Variants in CPEB3 observed in about 807,000 individuals in gnomAD.
The protein encoded by CPEB3 is cytoplasmic polyadenylation element-binding protein 3.
A neutral mutation model predicts 67.2 loss-of-function variants in CPEB3; 20 were observed. That is an observed-to-expected ratio of 0.30 (90% CI 0.21 to 0.43). The LOEUF (loss-of-function observed/expected upper bound fraction) is 0.43. CPEB3 is among the 20% of genes least tolerant of loss of function. CPEB3 has a pLI of 1.00. For missense variants in CPEB3, 746 were observed against 968.6 expected, an observed-to-expected ratio of 0.77 and a Z score of 3.05; for synonymous variants, 376 against 393.1, an observed-to-expected ratio of 0.96 and a Z score of 0.51.
In CPEB3 at chr10:92,047,256, T is replaced by C. The variant is rs1207490720; in HGVS notation, c.*4956A>G. ...CAGCTGAGATAGAGAAGTTTGGTTA[T>C]TATAAAAGAAAAAAAAAAACAAATG... is the stretch of plus-strand genomic sequence containing the variant. On this transcript the variant is annotated 3_prime_UTR_variant, in exon 10 of 10. Coordinates refer to ENST00000265997, the MANE Select transcript of CPEB3 (RefSeq NM_014912.5). The C allele has an allele frequency of 7.2e-6, 1 of 138,556 alleles. No individual in the cohort carries two copies. Among genetic ancestry groups the C allele is most frequent in the Non-Finnish European group, 1.6e-5 (1 of 61,876 alleles). 8.6% of individuals were successfully genotyped at this position (138,556 alleles called of 1,614,324 possible).
At chr10:92,129,699 A>G (rs899700657) in intron 6 of CPEB3, among the ~76,000 whole-genome samples, 1 of 152,080 alleles carries the variant, frequency 6.6e-6, no homozygotes, top group African/African-American at 2.4e-5. Context: ...AGACTAGATC[A>G]ATTTAGGAGA....
At chr10:92,117,186 GCAAATTTTTGTATTTTTAGTAGAGA>G (rs1845076819) in intron 6 of CPEB3, among the ~76,000 whole-genome samples, 1 of 151,460 alleles carries the variant, frequency 6.6e-6, no homozygotes, top group Non-Finnish European at 1.5e-5. Context: ...ACCATACCTG[GCAAATTTTTGTATTTTTAGTAGAGA>G]CGGGGTTTCA....
intron 9 of CPEB3, among the ~76,000 whole-genome samples, chr10:92,067,630 C>T (rs974400447): frequency 1.3e-5 from 2 of 152,046 alleles, no homozygotes; most frequent in African/African-American, 4.8e-5. Context: ...ACCAGCCTGA[C>T]CAACACGGAG....
At chr10:92,067,085 TA>T (rs1404638964) in intron 9 of CPEB3, among the ~76,000 whole-genome samples, 1 of 150,744 alleles carries the variant, frequency 6.6e-6, no homozygotes, top group Non-Finnish European at 1.5e-5. Context: ...TAAATAAATT[TA>T]TTTTTTTATA....
intron 2 of CPEB3, 147 bp from the exon 3 acceptor site, chr10:92,192,783 T>A (rs1590350030): frequency 3.5e-6 from 2 of 568,816 alleles, no homozygotes; most frequent in African/African-American, 1.9e-5. Context: ...TATTTGTTTA[T>A]TTATTTATTT....
chr10:92,280,651 A>G (rs1444207303), intron 1 of CPEB3, among the ~76,000 whole-genome samples: 2 of 126,612 alleles, frequency 1.6e-5, no homozygotes, highest in Admixed American at 8.0e-5. Flanking sequence ...GTGGGCCGAG[A>G]GTGAAAAAAA....
At chr10:92,208,494 C>A (rs916256898) in intron 2 of CPEB3, among the ~76,000 whole-genome samples, 8 of 152,058 alleles carry the variant, frequency 5.3e-5, no homozygotes, top group Non-Finnish European at 1.0e-4. Context: ...AGCCCTATAG[C>A]CTGTGTGTCC....
intron 2 of CPEB3, among the ~76,000 whole-genome samples, chr10:92,194,553 C>G (rs773748850): frequency 1.3e-5 from 2 of 152,030 alleles, no homozygotes; most frequent in Non-Finnish European, 2.9e-5. Context: ...AGCACTGACA[C>G]GAAGAAACCT....
At chr10:92,081,604 A>T (rs1027118961) in intron 8 of CPEB3, 103 bp from the exon 9 acceptor site, 4 of 1,025,772 alleles carry the variant, frequency 3.9e-6, no homozygotes, top group Non-Finnish European at 4.2e-6. Context: ...TAATTAAGAA[A>T]AGGAAAACCC....
intron 1 of CPEB3, among the ~76,000 whole-genome samples, chr10:92,259,390 T>G (rs549650035): frequency 2.0e-5 from 3 of 151,680 alleles, no homozygotes; most frequent in Non-Finnish European, 4.4e-5. Context: ...TCACCTGAGG[T>G]CAGGAGTTCG....
At chr10:92,229,778 C>T (rs1851175762) in intron 2 of CPEB3, among the ~76,000 whole-genome samples, 1 of 152,252 alleles carries the variant, frequency 6.6e-6, no homozygotes, top group African/African-American at 2.4e-5. Context: ...GGCGCAGTGG[C>T]TTACGCCTAT....
At chr10:92,267,521 A>C (rs1233454518) in intron 1 of CPEB3, among the ~76,000 whole-genome samples, 1 of 152,180 alleles carries the variant, frequency 6.6e-6, no homozygotes, top group Non-Finnish European at 1.5e-5. Context: ...TGTGATGGGA[A>C]TCCCCTGGAG....
intron 4 of CPEB3, among the ~76,000 whole-genome samples, chr10:92,158,718 T>C (rs1327217127): frequency 6.6e-6 from 1 of 152,170 alleles, no homozygotes; most frequent in African/African-American, 2.4e-5. Flanking sequence ...ACTGCAAAAG[T>C]AAAATGAGAC....
intron 6 of CPEB3, among the ~76,000 whole-genome samples, chr10:92,122,122 C>G (rs1026350597): frequency 6.6e-6 from 1 of 152,124 alleles, no homozygotes; most frequent in Non-Finnish European, 1.5e-5. Context: ...CTGTCAATAA[C>G]TAATAAGCAA....
rs561420944 is a variant in CPEB3, at chr10:92,049,283, G to A, written c.*2929C>T. The A allele has an allele frequency of 3.3e-5, 5 of 152,298 alleles. No individual in the cohort carries two copies. Among genetic ancestry groups the A allele is most frequent in the Non-Finnish European group, 5.9e-5 (4 of 67,994 alleles). 9.4% of individuals were successfully genotyped at this position (152,298 alleles called of 1,614,324 possible). On this transcript the variant is annotated 3_prime_UTR_variant, in exon 10 of 10. Coordinates refer to ENST00000265997, the MANE Select transcript of CPEB3 (RefSeq NM_014912.5). Reference sequence around the variant, plus strand: ...TTGCACATAACAACAAATAGTCGAGGTTAGGTTATAGCCTTCAAAAAATCG... The same window carrying A: ...TTGCACATAACAACAAATAGTCGAGATTAGGTTATAGCCTTCAAAAAATCG...
intron 1 of CPEB3, among the ~76,000 whole-genome samples, chr10:92,260,602 T>G (rs1407041383): frequency 6.6e-6 from 1 of 152,004 alleles, no homozygotes; most frequent in East Asian, 1.9e-4. Flanking sequence ...TTTGACTGTT[T>G]GTTTTATTCT....
At chr10:92,205,519 C>T (rs1849744244) in intron 2 of CPEB3, among the ~76,000 whole-genome samples, 1 of 144,128 alleles carries the variant, frequency 6.9e-6, no homozygotes, top group Admixed American at 7.2e-5. Flanking sequence ...CTCTGTCACC[C>T]AGGCTGGAGT....
At chr10:92,280,128 T>A (rs948410104) in intron 1 of CPEB3, among the ~76,000 whole-genome samples, 6 of 151,416 alleles carry the variant, frequency 4.0e-5, no homozygotes, top group African/African-American at 7.3e-5. Context: ...GGATCACCTG[T>A]TGTCAAGAGT....
intron 7 of CPEB3, among the ~76,000 whole-genome samples, chr10:92,100,331 T>TGCCCA: frequency 6.6e-6 from 1 of 152,176 alleles, no homozygotes; most frequent in Non-Finnish European, 1.5e-5. Context: ...TGGAGTGCAA[T>TGCCCA]GGCACGATCT....
Sources: allele counts gnomAD v4.1 joint callset (sites outside exome capture counted in the v4.1 genomes callset), GRCh38; gene constraint gnomAD v4.1.1; transcripts MANE v1.5; gene names NCBI Gene and HGNC (gene_info 2026-07-23, HGNC 2026-07-21).